The following ABCA13 variants were observed in gnomAD, a reference collection of about 807,000 sequenced individuals.
The protein encoded by ABCA13 is ATP binding cassette subfamily A member 13, also known as ATP-binding cassette sub-family A member 13.
In ABCA13, 476 loss-of-function variants were observed where a neutral mutation model predicts 478.7. The ratio of observed to expected loss-of-function variants is 0.99; its 90% CI spans 0.92 to 1.07. The LOEUF is 1.07. ABCA13 is among the 50% of genes least tolerant of loss of function. The pLI is 0.00. For missense variants in ABCA13, 6,060 were observed against 5,910.6 expected (o/e 1.03, Z -0.83); for synonymous variants, 2,252 against 2,158.9 (o/e 1.04, Z -1.20).
At chr7:48,378,716 C>A (rs547080832) in intron 35 of ABCA13, among the ~76,000 whole-genome samples, 1 of 152,318 alleles carries the variant, frequency 6.6e-6, no homozygotes, top group East Asian at 1.9e-4. Context: ...TCAGCTCTTA[C>A]CCTGCCACAT....
intron 8 of ABCA13, 110 bp from the exon 9 acceptor site, chr7:48,239,131 C>A: frequency 8.8e-7 from 1 of 1,135,992 alleles, no homozygotes; most frequent in South Asian, 1.5e-5. Context: ...CTTCTTCAAT[C>A]AAGCAAATGT....
chr7:48,505,068 C>T (rs78674103), intron 48 of ABCA13, among the ~76,000 whole-genome samples: 1,781 of 152,228 alleles, frequency 0.012, 39 homozygotes, highest in African/African-American at 0.04. Context: ...ACACACACTG[C>T]GAGCCTGGAC....
chr7:48,279,349 T>C lies in ABCA13; in HGVS notation c.8155T>C (p.Phe2719Leu), dbSNP rs1285743187. The C allele has an allele frequency of 1.3e-6, 2 of 1,587,020 alleles. No homozygotes were observed. The highest frequency in any genetic ancestry group is 1.8e-5 in the Admixed American group (1 of 55,960). The change falls in exon 18 of 62, where the codon TTT becomes CTT. Residue 2719 changes from phenylalanine to leucine, a missense_variant. By Grantham distance (22) the Phe-to-Leu change is conservative. Coordinates refer to ENST00000435803, the MANE Select transcript of ABCA13 (RefSeq NM_152701.5). ...GGAAATAATTCATGAAGTGATCCCT[T>C]TTTTGGATAAAATATTATCACAAAA... ...KWEIIHEVIP[F>L]LDKILSQNST... is the part of the protein sequence containing the mutation.
At chr7:48,553,857 C>T (rs541366686) in intron 55 of ABCA13, among the ~76,000 whole-genome samples, 173 of 151,838 alleles carry the variant, frequency 1.1e-3, no homozygotes, top group African/African-American at 3.8e-3. Context: ...CACTTGTGTT[C>T]GTGGGGTATT....
At chr7:48,338,570 C>A in intron 29 of ABCA13, 115 bp downstream of exon 29, 1 of 642,298 alleles carries the variant, frequency 1.6e-6, no homozygotes, top group Non-Finnish European at 2.5e-6. Context: ...AGTCACTTTT[C>A]CTCTCTCAGT....
At chr7:48,353,627 A>G (rs766519631) in intron 31 of ABCA13, among the ~76,000 whole-genome samples, 2 of 151,640 alleles carry the variant, frequency 1.3e-5, no homozygotes, top group Non-Finnish European at 2.9e-5. Context: ...ACGTGAGGAT[A>G]GGTGACTTGA....
chr7:48,445,367 G>T (rs1824160857), intron 42 of ABCA13, among the ~76,000 whole-genome samples: 1 of 152,110 alleles, frequency 6.6e-6, no homozygotes, highest in African/African-American at 2.4e-5. Flanking sequence ...AATATTTAAT[G>T]GTTTTTCATC....
At chr7:48,408,074 T>C (rs1818497237) in intron 39 of ABCA13, among the ~76,000 whole-genome samples, 1 of 152,208 alleles carries the variant, frequency 6.6e-6, no homozygotes, top group South Asian at 2.1e-4. Flanking sequence ...ATTTACCCTT[T>C]TGTTGTTGAG....
intron 3 of ABCA13, among the ~76,000 whole-genome samples, chr7:48,207,170 A>G (rs1292008512): frequency 6.6e-6 from 1 of 152,152 alleles, no homozygotes; most frequent in Non-Finnish European, 1.5e-5. Flanking sequence ...GCTGAATAAT[A>G]TACGTACTAC....
intron 35 of ABCA13, among the ~76,000 whole-genome samples, chr7:48,377,477 G>T (rs1466735537): frequency 6.6e-6 from 1 of 152,112 alleles, no homozygotes; most frequent in African/African-American, 2.4e-5. Context: ...AAATGAAAAT[G>T]GAGGGATAGA....
At chr7:48,467,579 A>T (rs1035694896) in intron 44 of ABCA13, among the ~76,000 whole-genome samples, 1 of 152,124 alleles carries the variant, frequency 6.6e-6, no homozygotes, top group East Asian at 1.9e-4. Flanking sequence ...TTTCTTTATA[A>T]ACACTTATTT....
intron 35 of ABCA13, among the ~76,000 whole-genome samples, chr7:48,382,283 AAAATAGACC>A (rs1383217487): frequency 1.3e-4 from 20 of 152,254 alleles, no homozygotes; most frequent in Middle Eastern, 3.4e-3. Flanking sequence ...ATCTTTCTTA[AAAATAGACC>A]AAATAGACCA....
At chr7:48,535,610 G>T (rs143814394) in intron 55 of ABCA13, among the ~76,000 whole-genome samples, 2 of 152,120 alleles carry the variant, frequency 1.3e-5, no homozygotes, top group East Asian at 3.9e-4. Context: ...ACCAGGGCAG[G>T]TAGAGAAGGA....
chr7:48,313,663 A>T (rs182435128), intron 25 of ABCA13, among the ~76,000 whole-genome samples: 3 of 152,344 alleles, frequency 2.0e-5, no homozygotes, highest in African/African-American at 7.2e-5. Context: ...AACTTGATTT[A>T]GTTTAGTGAC....
chr7:48,626,887 A>T (rs1247317537), intron 59 of ABCA13: 3 of 985,278 alleles, frequency 3.0e-6, no homozygotes, highest in African/African-American at 3.5e-5. Flanking sequence ...GGCTGTTGAT[A>T]TTCATGTTCT....
chr7:48,546,222 AT>A (rs1307745656), intron 55 of ABCA13, among the ~76,000 whole-genome samples: 1 of 151,724 alleles, frequency 6.6e-6, no homozygotes, highest in Non-Finnish European at 1.5e-5. Flanking sequence ...TCAAATTATA[AT>A]TTTTTTCTCA....
At chr7:48,527,556 A>T (rs1018538655) in intron 54 of ABCA13, among the ~76,000 whole-genome samples, 1 of 152,198 alleles carries the variant, frequency 6.6e-6, no homozygotes. Context: ...AGTGTAGAAA[A>T]GACAGCAAGA....
chr7:48,409,072 A>G (rs546610761), intron 39 of ABCA13, among the ~76,000 whole-genome samples: 55 of 152,212 alleles, frequency 3.6e-4, no homozygotes, highest in Non-Finnish European at 6.6e-4. Flanking sequence ...AATCAGGGTA[A>G]TTAGCATATT....
chr7:48,481,237 A>G (rs994221787), intron 46 of ABCA13, 83 bp downstream of exon 46: 3 of 1,184,574 alleles, frequency 2.5e-6, no homozygotes, highest in African/African-American at 1.5e-5. Flanking sequence ...TGTTCTTAAA[A>G]AGTCAAAAAT....
Sources: gnomAD v4.1 joint callset for allele counts (sites outside exome capture counted in the v4.1 genomes callset) on GRCh38, gnomAD v4.1.1 for gene constraint, MANE v1.5 for transcripts, NCBI Gene and HGNC (gene_info 2026-07-23, HGNC 2026-07-21) for gene names.